Variants in PTGS1 observed in about 807,000 individuals in gnomAD.
The protein encoded by PTGS1 is prostaglandin G/H synthase 1.
Under a neutral mutation model 63.0 loss-of-function variants are expected in PTGS1, and 40 were observed. The ratio of observed to expected loss-of-function variants is 0.63; its 90% CI spans 0.49 to 0.83. The LOEUF (loss-of-function observed/expected upper bound fraction) is 0.83. Among genes scored for constraint, PTGS1 ranks in the 40% least tolerant of loss-of-function variants. PTGS1 has a pLI of 0.00. For missense variants in PTGS1, 709 were observed against 786.5 expected, an observed-to-expected ratio of 0.90 and a Z score of 1.18; for synonymous variants, 298 against 301.9, an observed-to-expected ratio of 0.99 and a Z score of 0.13.
rs1838420499 is a variant in PTGS1 at position 122,393,716 on chromosome 9, A to G, written c.*1172A>G. 6.6e-6 allele frequency: 1 copy of G among 152,184 alleles called. No homozygotes were observed. Among genetic ancestry groups the G allele is most frequent in the East Asian group, 1.9e-4 (1 of 5,190 alleles). The allele number at this position is 152,184 out of a possible 1,614,324, so 9.4% of individuals were successfully genotyped here. On this transcript the variant is annotated 3_prime_UTR_variant, in exon 11 of 11. Transcript: ENST00000362012. ...TGCGTGGTATAATCTCCATTTCAAAACCAAGGAAGCAGCCTCAGAGTGGTC... is the reference window on the plus strand; with the variant it reads ...TGCGTGGTATAATCTCCATTTCAAAGCCAAGGAAGCAGCCTCAGAGTGGTC...
At chr9:122,383,417 C>A in intron 7 of PTGS1, 92 bp from the exon 8 acceptor site, 16 of 1,508,892 alleles carry the variant, frequency 1.1e-5, no homozygotes, top group East Asian at 2.3e-5. Context: ...CTGAGGGGAA[C>A]TGGCAGCTGG....
At position 122,392,349 on chromosome 9, in the gene PTGS1, G is replaced by A. The variant is rs542367354; in HGVS notation, c.1605G>A (p.Gly535=). The change falls in exon 11 of 11, where the codon GGG becomes GGA. Residue 535 remains glycine, a synonymous_variant. Coordinates refer to ENST00000362012, the MANE Select transcript of PTGS1 (RefSeq NM_000962.4). ...GAPFSLKGLL[G]NPICSPEYWK... ...CCTTTTCCCTCAAGGGTCTCCTAGGGAATCCCATCTGTTCTCCGGAGTACT... is the reference window on the plus strand; with the variant it reads ...CCTTTTCCCTCAAGGGTCTCCTAGGAAATCCCATCTGTTCTCCGGAGTACT... The A allele has an allele frequency of 8.1e-6, 13 of 1,614,202 alleles. No individual in the cohort carries two copies. In the South Asian group the frequency reaches 1.3e-4, roughly 16 times the overall value.
chr9:122,376,915 TG>T (rs1301523831), intron 2 of PTGS1, among the ~76,000 whole-genome samples: 1 of 152,174 alleles, frequency 6.6e-6, no homozygotes, highest in Non-Finnish European at 1.5e-5. Flanking sequence ...AAGGGGGTGG[TG>T]GTCTGAGGGA....
chr9:122,392,081 G>A (rs1322003882), intron 10 of PTGS1, 108 bp from the exon 11 acceptor site: 2 of 902,298 alleles, frequency 2.2e-6, no homozygotes, highest in Non-Finnish European at 3.3e-6. Flanking sequence ...TAGTCTCCTG[G>A]AGTCCCTATT....
Position 122,395,519 on chromosome 9 carries a change from G to A in PTGS1, c.*2975G>A, listed in dbSNP as rs2119209109. On this transcript the variant is annotated 3_prime_UTR_variant, in exon 11 of 11. Transcript: ENST00000362012. The stretch of plus-strand genomic sequence containing the variant: ...TAAATAATTTGGGTGAGCTGCACCT[G>A]ATTAGTTGAAAGGCCTCAAGAACAA... 1 of 152,278 alleles carries A rather than the reference G, an allele frequency of 6.6e-6. No homozygotes were observed. Among genetic ancestry groups the A allele is most frequent in the Non-Finnish European group, 1.5e-5 (1 of 68,020 alleles). The allele number at this position is 152,278 out of a possible 1,614,324, so 9.4% of individuals were successfully genotyped here. A position where few individuals can be genotyped will look rare whatever the true frequency, so the allele number is the denominator to read the frequency against.
chr9:122,391,655 T>C (rs1444270796), intron 10 of PTGS1, among the ~76,000 whole-genome samples: 5 of 151,598 alleles, frequency 3.3e-5, no homozygotes, highest in Non-Finnish European at 7.4e-5. Flanking sequence ...GCAGATTCTG[T>C]GCATGAGCTC....
chr9:122,381,791 T>C, intron 7 of PTGS1, 44 bp downstream of exon 7: 1 of 1,568,576 alleles, frequency 6.4e-7, no homozygotes, highest in Non-Finnish European at 8.7e-7. Context: ...GGGTCTCCCA[T>C]GGTCTTCCCT....
Position 122,390,325 on chromosome 9 carries a change from C to T in PTGS1, c.1424C>T (p.Thr475Ile), listed in dbSNP as rs766471508. 6.2e-7 allele frequency: 1 copy of T among 1,614,172 alleles called. No individual in the cohort carries two copies. ...AAGAGGTTTGGCATGAAACCCTACA[C>T]CTCCTTCCAGGAGCTCGTAGGTGAG... ...YRKRFGMKPY[T>I]SFQELVGEKE... The change falls in exon 10 of 11, where the codon ACC becomes ATC. Residue 475 changes from threonine to isoleucine, a missense_variant. By Grantham distance (89) the Thr-to-Ile change is moderately conservative. Coordinates refer to ENST00000362012, the MANE Select transcript of PTGS1 (RefSeq NM_000962.4).
chr9:122,371,334 C>CCCCCTCCTTT, intron 2 of PTGS1, 62 bp downstream of exon 2: 1 of 1,595,938 alleles, frequency 6.3e-7, no homozygotes. Context: ...CTGGTTTCAA[C>CCCCCTCCTTT]CCCCTCCTTT....
At chr9:122,378,666 G>A (rs1837332153) in intron 4 of PTGS1, 93 bp downstream of exon 4, 47 of 1,603,172 alleles carry the variant, frequency 2.9e-5, no homozygotes, top group Non-Finnish European at 3.8e-5. Flanking sequence ...AGTGGGTGGG[G>A]AGAGTCTATG....
chr9:122,390,099 A>G, intron 9 of PTGS1, 99 bp from the exon 10 acceptor site: 1 of 1,412,106 alleles, frequency 7.1e-7, no homozygotes, highest in Non-Finnish European at 9.5e-7. Context: ...CCTAGCTCAG[A>G]AGGGACTCCC....
chr9:122,371,388 A>G, intron 2 of PTGS1, 116 bp downstream of exon 2: 1 of 1,506,842 alleles, frequency 6.6e-7, no homozygotes, highest in Middle Eastern at 2.3e-4. Flanking sequence ...CGCGGTGCTG[A>G]GAAAGACTGA....
intron 10 of PTGS1, among the ~76,000 whole-genome samples, chr9:122,391,429 A>G (rs1480992753): frequency 4.9e-4 from 2 of 4,082 alleles, no homozygotes; most frequent in Non-Finnish European, 2.2e-3. Flanking sequence ...ATATATATAC[A>G]TATATATATA....
At position 122,383,458 on chromosome 9, in the gene PTGS1, C is replaced by A. The variant is rs376983091; in HGVS notation, c.763-51C>A. The A allele has an allele frequency of 5.8e-6, 9 of 1,553,050 alleles. No homozygotes were observed. In the African/African-American group the frequency reaches 1.1e-4, roughly 19 times the overall value. On this transcript the variant is annotated intron_variant, in intron 7 of 10. Coordinates refer to ENST00000362012, the MANE Select transcript of PTGS1 (RefSeq NM_000962.4). ...GGAGTGGGAGGGAGTTGGTTGTGGGCAGCTGTGGGTGACCCCCAACCCCAG... is the reference window on the plus strand; with the variant it reads ...GGAGTGGGAGGGAGTTGGTTGTGGGAAGCTGTGGGTGACCCCCAACCCCAG...
At chr9:122,376,641 A>G (rs977582257) in intron 2 of PTGS1, among the ~76,000 whole-genome samples, 2 of 152,188 alleles carry the variant, frequency 1.3e-5, no homozygotes, top group Non-Finnish European at 2.9e-5. Context: ...TATTCCCTGT[A>G]ACGTTGGCTC....
intron 9 of PTGS1, 140 bp downstream of exon 9, chr9:122,386,872 C>T (rs767397584): frequency 3.5e-5 from 35 of 1,000,436 alleles, no homozygotes; most frequent in Non-Finnish European, 4.7e-5. Context: ...TGTGTGAGTT[C>T]ATTGGTTCAT....
chr9:122,371,380 C>T (rs1836796393), intron 2 of PTGS1, 108 bp downstream of exon 2: 6 of 1,517,406 alleles, frequency 4.0e-6, no homozygotes, highest in African/African-American at 1.4e-5. Flanking sequence ...TTTCTGCTCG[C>T]GGTGCTGAGA....
At chr9:122,391,399 AT>A (rs1391809711) in intron 10 of PTGS1, among the ~76,000 whole-genome samples, 1 of 70,878 alleles carries the variant, frequency 1.4e-5, no homozygotes, top group Non-Finnish European at 2.1e-5. Flanking sequence ...ATATATATAC[AT>A]ATATATATAC....
In PTGS1 at chr9:122,378,417, G is replaced by T. The variant is rs2282169; in HGVS notation, c.212-16G>T. ...GGTAGGAGGGACCAACTGAGTGACT[G>T]CCATTGCCCCTGCAGCTGGCCTGTG... On this transcript the variant is annotated splice_polypyrimidine_tract_variant and intron_variant, in intron 3 of 10. Transcript: ENST00000362012. 7 of 1,612,262 alleles carry T rather than the reference G, an allele frequency of 4.3e-6. No individual in the cohort carries two copies. The Admixed American group carries it at 5.0e-5, about 12-fold the overall frequency.
Sources: gnomAD v4.1 joint callset for allele counts (sites outside exome capture counted in the v4.1 genomes callset) on GRCh38, gnomAD v4.1.1 for gene constraint, MANE v1.5 for transcripts, NCBI Gene and HGNC (gene_info 2026-07-23, HGNC 2026-07-21) for gene names.